The following SMG1 variants were observed in gnomAD, a reference collection of about 807,000 sequenced individuals.
SMG1 encodes the protein SMG1 nonsense mediated mRNA decay associated PI3K related kinase.
Under a neutral mutation model 419.9 loss-of-function variants are expected in SMG1, and 22 were observed. The ratio of observed to expected loss-of-function variants is 0.05; its 90% confidence interval spans 0.04 to 0.07. The LOEUF (loss-of-function observed/expected upper bound fraction) is 0.07. Among genes scored for constraint, SMG1 ranks in the 10% least tolerant of loss-of-function variants. SMG1 has a pLI of 1.00. For synonymous variants in SMG1, 1,538 were observed against 1,553.5 expected (o/e 0.99, Z 0.23); for missense variants, 3,185 against 4,342.0 (o/e 0.73, Z 7.49).
intron 1 of SMG1, among the ~76,000 whole-genome samples, chr16:18,899,052 T>C (rs2037244647): frequency 6.6e-6 from 1 of 152,208 alleles, no homozygotes; most frequent in Non-Finnish European, 1.5e-5. Flanking sequence ...TTGCAGGGTA[T>C]GTTAAAAGTT....
At chr16:18,884,869 A>G (rs1486861986) in intron 8 of SMG1, 2 of 535,222 alleles carry the variant, frequency 3.7e-6, no homozygotes, top group Non-Finnish European at 6.5e-6. Flanking sequence ...CAAACTACAA[A>G]TAACTTGGGT....
chr16:18,903,146 C>G (rs561305579), intron 1 of SMG1, among the ~76,000 whole-genome samples: 1 of 152,234 alleles, frequency 6.6e-6, no homozygotes, highest in East Asian at 1.9e-4. Context: ...TTTTTAGTAA[C>G]ATTTCTAGCA....
intron 30 of SMG1, among the ~76,000 whole-genome samples, chr16:18,854,221 G>T (rs1225482388): frequency 6.7e-6 from 1 of 150,218 alleles, no homozygotes; most frequent in Non-Finnish European, 1.5e-5. Flanking sequence ...CAAGCAGCCG[G>T]AACTACAGGC....
chr16:18,913,934 G>T (rs189408108), intron 1 of SMG1, among the ~76,000 whole-genome samples: 9 of 152,128 alleles, frequency 5.9e-5, no homozygotes, highest in Admixed American at 3.3e-4. Flanking sequence ...GGGAAGCCAA[G>T]GCAGGGGGCA....
chr16:18,854,768 G>A lies in SMG1; in HGVS notation c.4371C>T (p.Thr1457=). The A allele has an allele frequency of 6.2e-7, 1 of 1,614,010 alleles. No individual in the cohort carries two copies. The highest frequency in any genetic ancestry group is 8.5e-7 in the Non-Finnish European group (1 of 1,179,878). The change falls in exon 30 of 63, where the codon ACC becomes ACT. Residue 1457 remains threonine (T), a synonymous_variant. Transcript: ENST00000446231. ...AATGTTGGACTAAATCCTGTGCAGT[G>A]GTGGTCTTTCCCAGCTGAACTTCAC... is the stretch of plus-strand genomic sequence containing the variant. The part of the protein sequence containing the change: ...QCSEVQLGKT[T]TAQDLVQHFK...
chr16:18,898,840 T>C (rs534134588), intron 1 of SMG1, among the ~76,000 whole-genome samples: 190 of 152,274 alleles, frequency 1.2e-3, no homozygotes, highest in African/African-American at 4.3e-3. Flanking sequence ...AGTAGTACCA[T>C]AAGGCAGCAG....
intron 55 of SMG1, among the ~76,000 whole-genome samples, chr16:18,820,574 T>C (rs1420886737): frequency 2.0e-5 from 3 of 152,196 alleles, no homozygotes; most frequent in Admixed American, 1.3e-4. Flanking sequence ...ACAAAGTTAT[T>C]TGATTATTTA....
Position 18,863,802 on chromosome 16 carries a change from C to A in SMG1, c.3543G>T (p.Glu1181Asp). 6.3e-7 allele frequency: 1 copy of A among 1,590,096 alleles called. No homozygotes were observed. The stretch of plus-strand genomic sequence containing the variant: ...CTTTATTTCCTAAATAATTTATAAC[C>A]TCAGGGGAAGAGTCAGTCGGTTTGG... ...VLSKPTDSSP[E>D]VINYLGNKAC... Residue 1181 changes from glutamate (E) to aspartate (D), a missense_variant, in exon 25 of 63, where the codon GAG becomes GAT. By Grantham distance (45) the Glu-to-Asp change is conservative. This residue lies in a region of SMG1 where 121 missense variants were observed against 125.4 expected (regional missense o/e 0.96). Coordinates refer to ENST00000446231, the MANE Select transcript of SMG1 (RefSeq NM_015092.5).
chr16:18,817,007 A>AT (rs1340253740), intron 57 of SMG1, among the ~76,000 whole-genome samples: 2 of 151,400 alleles, frequency 1.3e-5, no homozygotes, highest in African/African-American at 4.9e-5. Flanking sequence ...CATTTGCTAC[A>AT]TATCGTCTTT....
rs1420200205 is a variant in SMG1 at position 18,830,072 on chromosome 16, A to C, written c.8987T>G (p.Ile2996Ser). The change falls in exon 53 of 63, where the codon ATC (isoleucine) becomes AGC (serine). Residue 2996 changes from isoleucine (I) to serine (S), a missense_variant. Physicochemically the swap from Ile to Ser is moderately radical, Grantham distance 142. Coordinates refer to ENST00000446231, the MANE Select transcript of SMG1 (RefSeq NM_015092.5). The part of the protein sequence containing the change: ...EIPIAWRKID[I>S]IREARSTQVN... The stretch of plus-strand genomic sequence containing the variant: ...TTGAGTACTCCTGGCTTCCCTTATG[A>C]TGTCAATCTTTCGCCAAGCTATGGG... The C allele has an allele frequency of 6.2e-7, 1 of 1,605,078 alleles. No individual in the cohort carries two copies. Among genetic ancestry groups the C allele is most frequent in the Non-Finnish European group, 8.5e-7 (1 of 1,175,580 alleles).
At chr16:18,887,191 A>G (rs1291516178) in intron 6 of SMG1, among the ~76,000 whole-genome samples, 7 of 152,172 alleles carry the variant, frequency 4.6e-5, no homozygotes, top group African/African-American at 1.2e-4. Flanking sequence ...TGGTGCATCT[A>G]TCTTTCTATG....
At chr16:18,921,886 ATTGGAAGGTC>A (rs1029409889) in intron 1 of SMG1, among the ~76,000 whole-genome samples, 9 of 152,338 alleles carry the variant, frequency 5.9e-5, no homozygotes, top group Non-Finnish European at 1.3e-4. Flanking sequence ...ATCTACCAAA[ATTGGAAGGTC>A]TTTTTATTAT....
chr16:18,857,462 G>T (rs1031604985), intron 29 of SMG1: 4 of 152,074 alleles, frequency 2.6e-5, no homozygotes, highest in African/African-American at 7.2e-5. Context: ...AATGGGTGAA[G>T]AATTTGAACA....
intron 57 of SMG1, among the ~76,000 whole-genome samples, chr16:18,817,023 C>G (rs770963602): frequency 3.4e-5 from 5 of 148,378 alleles, no homozygotes; most frequent in Non-Finnish European, 5.9e-5. Context: ...TCTTTCTCCT[C>G]CCTTCTAAAC....
chr16:18,910,451 G>T (rs537017580), intron 1 of SMG1, among the ~76,000 whole-genome samples: 1 of 151,608 alleles, frequency 6.6e-6, no homozygotes, highest in Non-Finnish European at 1.5e-5. Flanking sequence ...GGCTGCTCTC[G>T]AATTTCTGAT....
chr16:18,880,328 A>G (rs1453518056), intron 10 of SMG1, among the ~76,000 whole-genome samples: 5 of 152,196 alleles, frequency 3.3e-5, no homozygotes, highest in African/African-American at 1.2e-4. Flanking sequence ...AATAGGGGAG[A>G]AAACAGAGCA....
intron 19 of SMG1, 134 bp from the exon 20 acceptor site, chr16:18,869,437 G>C (rs917324422): frequency 1.1e-5 from 8 of 713,004 alleles, no homozygotes; most frequent in African/African-American, 9.0e-5. Context: ...ATGAAATTGA[G>C]AAGCATTGTG....
rs773248456 is a variant in SMG1, at chr16:18,815,449, T to C, written c.10505A>G (p.Gln3502Arg). ...CAGAAGGCATTCTTACCTCTGACTT[T>C]GTGTTTTCAGTTCTTTCAAGGTGGG... ...ITPTLKELKTQSQSIYNNLVS... is the reference protein window; with the variant it reads ...ITPTLKELKTRSQSIYNNLVS... Residue 3502 changes from glutamine to arginine, a missense_variant, in exon 59 of 63, where the codon CAA (glutamine) becomes CGA (arginine). Physicochemically the swap from Gln to Arg is conservative, Grantham distance 43 (BLOSUM62 1). Transcript: ENST00000446231. The C allele has an allele frequency of 6.2e-7, 1 of 1,614,030 alleles. No homozygotes were observed. The highest frequency in any genetic ancestry group is 8.5e-7 in the Non-Finnish European group (1 of 1,179,880).
Position 18,829,317 on chromosome 16 carries a change from T to C in SMG1, c.9572A>G (p.Gln3191Arg). The part of the protein sequence containing the change: ...TSISSCKTSL[Q>R]RVQLHIAMFQ... Reference sequence around the variant, plus strand: ...CATGGCAATATGCAGCTGAACCCGCTGCAGGCTTGTCTTACAAGAAGAAAT... The same window carrying C: ...CATGGCAATATGCAGCTGAACCCGCCGCAGGCTTGTCTTACAAGAAGAAAT... The change falls in exon 54 of 63, where the codon CAG becomes CGG. Residue 3191 changes from glutamine to arginine, a missense_variant. Transcript: ENST00000446231. 1 of 1,613,828 alleles carries C rather than the reference T, an allele frequency of 6.2e-7. No individual in the cohort carries two copies. The highest frequency in any genetic ancestry group is 8.5e-7 in the Non-Finnish European group (1 of 1,179,754).
Sources: gnomAD v4.1 joint callset for allele counts (sites outside exome capture counted in the v4.1 genomes callset) on GRCh38, gnomAD v4.1.1 for gene constraint, gnomAD v4.1.1 regional missense constraint, MANE v1.5 for transcripts, NCBI Gene and HGNC (gene_info 2026-07-23, HGNC 2026-07-21) for gene names.